HS3ST2: variants seen among roughly 807,000 people sequenced by gnomAD.
HS3ST2 encodes the protein heparan sulfate-glucosamine 3-sulfotransferase 2.
In HS3ST2, 17 loss-of-function variants were observed where a neutral mutation model predicts 26.3. That is an observed-to-expected ratio of 0.65 (90% CI 0.44 to 0.97). The LOEUF (loss-of-function observed/expected upper bound fraction) is 0.97, where lower values mean the gene tolerates loss of function less well. HS3ST2 is among the 50% of genes least tolerant of loss of function. HS3ST2 has a pLI of 0.00. For synonymous variants in HS3ST2, 237 were observed against 219.2 expected (o/e 1.08, Z -0.72); for missense variants, 402 against 501.2 (o/e 0.80, Z 1.89).
At chr16:22,866,324 C>T (rs978460676) in intron 1 of HS3ST2, among the ~76,000 whole-genome samples, 17 of 148,136 alleles carry the variant, frequency 1.1e-4, no homozygotes, top group East Asian at 8.0e-4. Context: ...CGTGCGCGCG[C>T]GCGCACACAC....
chr16:22,845,263 C>T (rs957561021), intron 1 of HS3ST2, among the ~76,000 whole-genome samples: 1 of 148,178 alleles, frequency 6.7e-6, no homozygotes, highest in Non-Finnish European at 1.5e-5. Flanking sequence ...GCTCTGTAGA[C>T]TACTGTAGCA....
At chr16:22,907,517 G>A (rs1042531390) in intron 1 of HS3ST2, among the ~76,000 whole-genome samples, 7 of 152,134 alleles carry the variant, frequency 4.6e-5, no homozygotes, top group Non-Finnish European at 1.0e-4. Context: ...GGAGGAGGCT[G>A]GAGACTTCAG....
chr16:22,823,352 G>A (rs1005035109), intron 1 of HS3ST2, among the ~76,000 whole-genome samples: 3 of 152,194 alleles, frequency 2.0e-5, no homozygotes, highest in Admixed American at 2.0e-4. Context: ...CAGAAGGAAT[G>A]AAGGTAAAGA....
At chr16:22,856,169 T>C (rs189406446) in intron 1 of HS3ST2, among the ~76,000 whole-genome samples, 12 of 152,332 alleles carry the variant, frequency 7.9e-5, no homozygotes, top group African/African-American at 2.4e-4. Flanking sequence ...AGGGATTCCA[T>C]GTGAAACTGG....
intron 1 of HS3ST2, among the ~76,000 whole-genome samples, chr16:22,891,608 A>T (rs1902130813): frequency 6.6e-6 from 1 of 152,236 alleles, no homozygotes; most frequent in South Asian, 2.1e-4. Flanking sequence ...AATCAATTTT[A>T]AAATTACAAA....
chr16:22,894,665 A>T (rs1902181218), intron 1 of HS3ST2, among the ~76,000 whole-genome samples: 1 of 151,822 alleles, frequency 6.6e-6, no homozygotes, highest in Admixed American at 6.6e-5. Context: ...TTGGGAGCCC[A>T]AGGTGGGCGG....
intron 1 of HS3ST2, among the ~76,000 whole-genome samples, chr16:22,845,740 C>T (rs1341985038): frequency 6.6e-6 from 1 of 152,188 alleles, no homozygotes; most frequent in African/African-American, 2.4e-5. Context: ...ATGTCTCTTT[C>T]ATCATGGCAA....
intron 1 of HS3ST2, among the ~76,000 whole-genome samples, chr16:22,819,587 A>G (rs188252082): frequency 6.6e-6 from 1 of 152,332 alleles, no homozygotes. Flanking sequence ...TTGAAATGCC[A>G]ACAAGAGCAA....
intron 1 of HS3ST2, among the ~76,000 whole-genome samples, chr16:22,878,014 T>G (rs1319520469): frequency 6.6e-6 from 1 of 152,156 alleles, no homozygotes; most frequent in Non-Finnish European, 1.5e-5. Flanking sequence ...TGGACCAAGA[T>G]GTGTAAAACT....
chr16:22,904,935 A>G (rs900628205), intron 1 of HS3ST2, among the ~76,000 whole-genome samples: 1 of 152,222 alleles, frequency 6.6e-6, no homozygotes, highest in Admixed American at 6.5e-5. Context: ...GCGAGGATAA[A>G]CGGCCACAGG....
Position 22,814,433 on chromosome 16 carries a change from C to T in HS3ST2, c.-178C>T. The T allele has an allele frequency of 1.9e-6, 1 of 513,776 alleles. No individual in the cohort carries two copies. Among genetic ancestry groups the T allele is most frequent in the Non-Finnish European group, 3.2e-6 (1 of 308,938 alleles). The allele number at this position is 513,776 out of a possible 1,614,324, so 31.8% of individuals were successfully genotyped here. A position where few individuals can be genotyped will look rare whatever the true frequency, so the allele number is the denominator to read the frequency against. ...CCCCGAGGAGCCGCTGCCCCCGGGA[C>T]CCCCTGGCACTGTGCGCACCCTGGT... On this transcript the variant is annotated 5_prime_UTR_variant, in exon 1 of 2. Coordinates refer to ENST00000261374, the MANE Select transcript of HS3ST2 (RefSeq NM_006043.2).
intron 1 of HS3ST2, among the ~76,000 whole-genome samples, chr16:22,894,073 G>A (rs1437178816): frequency 1.3e-5 from 2 of 152,076 alleles, no homozygotes; most frequent in African/African-American, 4.8e-5. Flanking sequence ...TGCTGTCCTT[G>A]GCCTCCCAGA....
intron 1 of HS3ST2, among the ~76,000 whole-genome samples, chr16:22,837,511 GTATATATATACACATA>G (rs988761544): frequency 7.0e-6 from 1 of 142,686 alleles, no homozygotes; most frequent in African/African-American, 2.6e-5. Flanking sequence ...ATATATATGT[GTATATATATACACATA>G]TATATACACA....
At chr16:22,862,174 G>T (rs1032978300) in intron 1 of HS3ST2, among the ~76,000 whole-genome samples, 3 of 152,144 alleles carry the variant, frequency 2.0e-5, no homozygotes, top group African/African-American at 7.2e-5. Context: ...ATAAATGAAG[G>T]AATGCACCAA....
chr16:22,837,306 G>T (rs1901273242), intron 1 of HS3ST2, among the ~76,000 whole-genome samples: 1 of 151,588 alleles, frequency 6.6e-6, no homozygotes, highest in Non-Finnish European at 1.5e-5. Context: ...GAAAAATGAG[G>T]AATTAACTGT....
At chr16:22,878,781 A>C (rs1458203609) in intron 1 of HS3ST2, among the ~76,000 whole-genome samples, 2 of 151,908 alleles carry the variant, frequency 1.3e-5, no homozygotes, top group African/African-American at 2.4e-5. Context: ...GGCCTGAAGA[A>C]GGTGAGGGAG....
chr16:22,860,096 C>T (rs1218214177), intron 1 of HS3ST2, among the ~76,000 whole-genome samples: 3 of 152,320 alleles, frequency 2.0e-5, no homozygotes, highest in Middle Eastern at 3.4e-3. Context: ...GACAATTGCC[C>T]TCTTCCCTTG....
chr16:22,819,313 T>C (rs1445409737), intron 1 of HS3ST2, among the ~76,000 whole-genome samples: 1 of 151,932 alleles, frequency 6.6e-6, no homozygotes, highest in African/African-American at 2.4e-5. Context: ...TGCAACCTTA[T>C]AAAAATCAAG....
intron 1 of HS3ST2, among the ~76,000 whole-genome samples, chr16:22,903,153 C>T (rs564374808): frequency 6.6e-6 from 1 of 152,196 alleles, no homozygotes; most frequent in South Asian, 2.1e-4. Flanking sequence ...TATATTCTCA[C>T]GTTTTCTTCT....
Sources: gnomAD v4.1 joint callset for allele counts (sites outside exome capture counted in the v4.1 genomes callset) on GRCh38, gnomAD v4.1.1 for gene constraint, MANE v1.5 for transcripts, NCBI Gene and HGNC (gene_info 2026-07-23, HGNC 2026-07-21) for gene names.